The following ANK2 variants were observed in gnomAD, a reference collection of about 807,000 sequenced individuals.
ANK2 encodes the protein ankyrin 2.
Under a neutral mutation model 360.5 loss-of-function variants are expected in ANK2, and 83 were observed. That is an observed-to-expected ratio of 0.23 (90% CI 0.19 to 0.28). The LOEUF (loss-of-function observed/expected upper bound fraction) is 0.28. ANK2 is among the 10% of genes least tolerant of loss of function. ANK2 has a pLI of 1.00. For synonymous variants in ANK2, 1,740 were observed against 1,759.5 expected (o/e 0.99, Z 0.28); for missense variants, 4,201 against 4,795.7 (o/e 0.88, Z 3.66).
intron 2 of ANK2, among the ~76,000 whole-genome samples, chr4:112,973,532 T>TACTGAGTTAG: frequency 6.6e-6 from 1 of 152,320 alleles, no homozygotes; most frequent in African/African-American, 2.4e-5. Context: ...TTGCATTGCT[T>TACTGAGTTAG]TTGATAAAGG....
At chr4:113,058,783 A>G (rs1200473864) in intron 1 of ANK2, among the ~76,000 whole-genome samples, 1 of 152,176 alleles carries the variant, frequency 6.6e-6, no homozygotes, top group Non-Finnish European at 1.5e-5. Context: ...TTATTTTAGT[A>G]GTTTAGAGAT....
At chr4:113,240,408 A>G in intron 7 of ANK2, 77 bp from the exon 8 acceptor site, 1 of 1,076,076 alleles carries the variant, frequency 9.3e-7, no homozygotes, top group Admixed American at 1.7e-5. Context: ...TTACCATGTG[A>G]CCTTCTTCAC....
intron 1 of ANK2, among the ~76,000 whole-genome samples, chr4:113,075,703 T>G (rs540262123): frequency 6.6e-6 from 1 of 152,298 alleles, no homozygotes; most frequent in South Asian, 2.1e-4. Flanking sequence ...TTCAGAGAAG[T>G]TTTGTTAAGT....
the ANK2 span, among the ~76,000 whole-genome samples, chr4:112,758,512 G>T: frequency 1.3e-5 from 2 of 152,134 alleles, no homozygotes; most frequent in East Asian, 3.9e-4. Flanking sequence ...CCAGGTTCAA[G>T]CGATTCTCCT....
chr4:113,023,633 C>T (rs2154299245), intron 2 of ANK2, among the ~76,000 whole-genome samples: 1 of 152,242 alleles, frequency 6.6e-6, no homozygotes, highest in Non-Finnish European at 1.5e-5. Flanking sequence ...TCATATGTTG[C>T]CTGTATCTCC....
chr4:113,164,519 T>C (rs1023355791), intron 1 of ANK2, among the ~76,000 whole-genome samples: 1 of 152,176 alleles, frequency 6.6e-6, no homozygotes, highest in Non-Finnish European at 1.5e-5. Context: ...ACCTCATCTG[T>C]GTTGTGTCAC....
At chr4:113,141,529 G>A (rs1388272346) in intron 1 of ANK2, 3 of 152,158 alleles carry the variant, frequency 2.0e-5, no homozygotes, top group Non-Finnish European at 4.4e-5. Context: ...CAGGAAAATA[G>A]AAGCTCAGAT....
At chr4:112,871,667 G>T (rs1485538323) in intron 1 of ANK2, among the ~76,000 whole-genome samples, 1 of 152,174 alleles carries the variant, frequency 6.6e-6, no homozygotes, top group Non-Finnish European at 1.5e-5. Flanking sequence ...GGTGAGAGCA[G>T]ACCTTCTTTT....
chr4:113,259,949 C>A (rs898155962), intron 13 of ANK2, among the ~76,000 whole-genome samples: 3 of 152,038 alleles, frequency 2.0e-5, no homozygotes, highest in Non-Finnish European at 4.4e-5. Context: ...TCTTGCCCGC[C>A]TTTTCCTTTT....
intron 23 of ANK2, among the ~76,000 whole-genome samples, chr4:113,307,511 G>C (rs796812830): frequency 4.7e-5 from 7 of 148,312 alleles, no homozygotes; most frequent in African/African-American, 1.7e-4. Flanking sequence ...CATCTCCCGG[G>C]TTCTCCTGCC....
At chr4:113,007,862 G>A (rs935972940) in intron 2 of ANK2, among the ~76,000 whole-genome samples, 5 of 152,100 alleles carry the variant, frequency 3.3e-5, no homozygotes, top group African/African-American at 7.2e-5. Flanking sequence ...AAACCATATT[G>A]TATTGTGGTA....
At chr4:113,284,748 G>A (rs1373829834) in intron 18 of ANK2, among the ~76,000 whole-genome samples, 1 of 151,976 alleles carries the variant, frequency 6.6e-6, no homozygotes, top group East Asian at 1.9e-4. Flanking sequence ...ACTTTAGTAA[G>A]TTTACACAGA....
At chr4:112,937,956 C>T (rs1286845162) in intron 2 of ANK2, among the ~76,000 whole-genome samples, 6 of 152,156 alleles carry the variant, frequency 3.9e-5, no homozygotes, top group African/African-American at 1.4e-4. Context: ...GAATCTAACT[C>T]ATAGTGTTGT....
At chr4:113,179,509 T>G (rs951782775) in intron 2 of ANK2, among the ~76,000 whole-genome samples, 1 of 152,218 alleles carries the variant, frequency 6.6e-6, no homozygotes, top group Non-Finnish European at 1.5e-5. Flanking sequence ...ATTCATAAAT[T>G]TGGCACATGA....
chr4:112,710,960 T>TATTA, the ANK2 span, among the ~76,000 whole-genome samples: 6 of 144,058 alleles, frequency 4.2e-5, no homozygotes, highest in African/African-American at 7.7e-5. Flanking sequence ...TTTATTTATT[T>TATTA]TTTATTATAA....
intron 34 of ANK2, among the ~76,000 whole-genome samples, chr4:113,343,353 G>A (rs953479615): frequency 6.6e-6 from 1 of 152,160 alleles, no homozygotes; most frequent in East Asian, 1.9e-4. Flanking sequence ...ATTTAAGGAT[G>A]AGAACAGGAC....
chr4:113,060,312 AT>A (rs1195679002), intron 1 of ANK2, among the ~76,000 whole-genome samples: 2 of 152,182 alleles, frequency 1.3e-5, no homozygotes, highest in African/African-American at 4.8e-5. Context: ...AGTAGTTAAT[AT>A]TCATTGAGAG....
chr4:112,829,631 T>C (rs1301207916), intron 1 of ANK2, among the ~76,000 whole-genome samples: 1 of 151,552 alleles, frequency 6.6e-6, no homozygotes, highest in African/African-American at 2.4e-5. Context: ...CACAATGAGA[T>C]ACCATCTCAC....
chr4:112,849,725 T>C (rs1016723199), intron 1 of ANK2, among the ~76,000 whole-genome samples: 2 of 152,226 alleles, frequency 1.3e-5, no homozygotes, highest in Non-Finnish European at 2.9e-5. Flanking sequence ...CTTCTTCTAA[T>C]CCTTATACAG....
Sources: allele counts gnomAD v4.1 joint callset (sites outside exome capture counted in the v4.1 genomes callset), GRCh38; gene constraint gnomAD v4.1.1; transcripts MANE v1.5; gene names NCBI Gene and HGNC (gene_info 2026-07-23, HGNC 2026-07-21).